The following NR2C2AP variants were observed in gnomAD, a reference collection of about 807,000 sequenced individuals.
The protein encoded by NR2C2AP is nuclear receptor 2C2 associated protein.
In NR2C2AP, 13 loss-of-function variants were observed where a neutral mutation model predicts 19.1. The observed-to-expected ratio is 0.68, with a 90% CI of 0.44 to 1.08. The LOEUF (loss-of-function observed/expected upper bound fraction) is 1.08. NR2C2AP is among the 50% of genes least tolerant of loss of function. NR2C2AP has a pLI of 0.00. For synonymous variants in NR2C2AP, 81 were observed against 64.4 expected (o/e 1.26, Z -1.23); for missense variants, 181 against 172.7 (o/e 1.05, Z -0.27).
Position 19,203,191 on chromosome 19 carries a change from G to A in NR2C2AP, c.-131C>T. On this transcript the variant is annotated 5_prime_UTR_variant, in exon 1 of 5. Coordinates refer to ENST00000331552, the MANE Select transcript of NR2C2AP (RefSeq NM_176880.6). Reference sequence around the variant, plus strand: ...CCTGAACGTCCTCACCTGTAACTTGGGACGAGAACCGCCACTCCCTCGCCC... The same window carrying A: ...CCTGAACGTCCTCACCTGTAACTTGAGACGAGAACCGCCACTCCCTCGCCC... The A allele has an allele frequency of 1.1e-6, 1 of 891,640 alleles. No individual in the cohort carries two copies. The highest frequency in any genetic ancestry group is 1.8e-6 in the Non-Finnish European group (1 of 554,644). The allele number at this position is 891,640 out of a possible 1,614,324, so 55.2% of individuals were successfully genotyped here.
In NR2C2AP at chr19:19,201,610, T is replaced by C; in HGVS notation, c.*315A>G. 6.2e-7 allele frequency: 1 copy of C among 1,613,690 alleles called. No homozygotes were observed. Among genetic ancestry groups the C allele is most frequent in the Non-Finnish European group, 8.5e-7 (1 of 1,180,002 alleles). On this transcript the variant is annotated 3_prime_UTR_variant, in exon 5 of 5. Transcript: ENST00000331552. Reference sequence around the variant, plus strand: ...GCCTGTGCCTCCACCCCACTCCCGATTCAAGCTCACAGCCCACCTTTTCCC... The same window carrying C: ...GCCTGTGCCTCCACCCCACTCCCGACTCAAGCTCACAGCCCACCTTTTCCC...
rs985424456 is a variant in NR2C2AP at position 19,201,903 on chromosome 19, G to C, written c.*22C>G. The C allele has an allele frequency of 1.9e-6, 3 of 1,614,028 alleles. No individual in the cohort carries two copies. The highest frequency in any genetic ancestry group is 8.5e-7 in the Non-Finnish European group (1 of 1,179,956). On this transcript the variant is annotated 3_prime_UTR_variant, in exon 5 of 5. Transcript: ENST00000331552. ...GCTGTGCTTCCCGGAGGGCTTCCTG[G>C]AGGAGACAGCCCCTAGAGGTCTCAC... is the stretch of plus-strand genomic sequence containing the variant.
rs1282477739 is a variant in NR2C2AP at position 19,203,239 on chromosome 19, C to T, written c.-179G>A. On this transcript the variant is annotated 5_prime_UTR_variant, in exon 1 of 5. Transcript: ENST00000331552. ...CCCACCCCAGTCCTAAATGTCGCCT[C>T]GATCAATCCCCTGCCGGAAAATTTG... is the stretch of plus-strand genomic sequence containing the variant. The T allele has an allele frequency of 6.1e-6, 4 of 657,742 alleles. No homozygotes were observed. The highest frequency in any genetic ancestry group is 2.3e-5 in the Admixed American group (1 of 42,636). The allele number at this position is 657,742 out of a possible 1,614,324, so 40.7% of individuals were successfully genotyped here.
intron 4 of NR2C2AP, 136 bp from the exon 5 acceptor site, chr19:19,202,177 C>T: frequency 4.3e-6 from 5 of 1,171,888 alleles, no homozygotes; most frequent in Non-Finnish European, 5.1e-6. Context: ...GCCTCTCACA[C>T]AGAACAGGTG....
chr19:19,201,909 A>G lies in NR2C2AP; in HGVS notation c.*16T>C, dbSNP rs753652611. The G allele has an allele frequency of 3.7e-6, 6 of 1,613,928 alleles. No homozygotes were observed. Among genetic ancestry groups the G allele is most frequent in the Non-Finnish European group, 5.1e-6 (6 of 1,179,978 alleles). ...CTTCCCGGAGGGCTTCCTGGAGGAGACAGCCCCTAGAGGTCTCACACCTTC... is the reference window on the plus strand; with the variant it reads ...CTTCCCGGAGGGCTTCCTGGAGGAGGCAGCCCCTAGAGGTCTCACACCTTC... On this transcript the variant is annotated 3_prime_UTR_variant, in exon 5 of 5. Transcript: ENST00000331552.
intron 2 of NR2C2AP, 51 bp downstream of exon 2, chr19:19,202,740 G>A (rs1242918793): frequency 1.3e-6 from 2 of 1,551,794 alleles, no homozygotes; most frequent in Non-Finnish European, 1.8e-6. Flanking sequence ...CAAGGCATGA[G>A]ATCTGAATCT....
chr19:19,201,763 C>A lies in NR2C2AP; in HGVS notation c.*162G>T. On this transcript the variant is annotated 3_prime_UTR_variant, in exon 5 of 5. Transcript: ENST00000331552. The stretch of plus-strand genomic sequence containing the variant: ...TCAGACACTCAGGGAACAAAATGGT[C>A]AGCCAGAGCTGGGGAAACCCAGAAC... The A allele has an allele frequency of 1.2e-6, 2 of 1,613,550 alleles. No individual in the cohort carries two copies. The highest frequency in any genetic ancestry group is 2.2e-5 in the South Asian group (2 of 91,022).
In NR2C2AP at chr19:19,202,147, G is replaced by A. The variant is rs930089492; in HGVS notation, c.304-106C>T. The A allele has an allele frequency of 9.2e-6, 12 of 1,301,314 alleles. No homozygotes were observed. The Admixed American group carries it at 1.4e-4, about 15-fold the overall frequency. 80.6% of individuals were successfully genotyped at this position (1,301,314 alleles called of 1,614,324 possible). ...ACTCCACCGATGTGGGCAACCTGGG[G>A]AAGCTGCAGGTCCCTCTAAGCCTCT... On this transcript the variant is annotated intron_variant, in intron 4 of 4. Transcript: ENST00000331552.
Position 19,202,487 on chromosome 19 carries a change from C to A in NR2C2AP, c.218G>T (p.Arg73Leu). 2.5e-6 allele frequency: 4 copies of A among 1,613,964 alleles called. No individual in the cohort carries two copies. Among genetic ancestry groups the A allele is most frequent in the Non-Finnish European group, 2.5e-6 (3 of 1,179,904 alleles). The change falls in exon 3 of 5, where the codon CGC (arginine) becomes CTC (leucine). Residue 73 changes from arginine to leucine, a missense_variant. By Grantham distance (102) the Arg-to-Leu change is moderately radical. Transcript: ENST00000331552. Reference protein sequence around the residue: ...QIQFQGGFSSRRGCLEGSQGT... With the variant: ...QIQFQGGFSSLRGCLEGSQGT... ...TCTAGTACCTTCCAGGCAGCCCCGG[C>A]GACTGGAGAAGCCACCCTGAAACTG...
chr19:19,201,922 G>T lies in NR2C2AP; in HGVS notation c.*3C>A. ...TTCCTGGAGGAGACAGCCCCTAGAG[G>T]TCTCACACCTTCTCCCCAAGCACCC... On this transcript the variant is annotated 3_prime_UTR_variant, in exon 5 of 5. Transcript: ENST00000331552. The T allele has an allele frequency of 6.2e-7, 1 of 1,614,156 alleles. No individual in the cohort carries two copies. Among genetic ancestry groups the T allele is most frequent in the Non-Finnish European group, 8.5e-7 (1 of 1,180,036 alleles).
chr19:19,202,302 C>A lies in NR2C2AP; in HGVS notation c.303+29G>T, dbSNP rs766781390. 6.8e-6 allele frequency: 11 copies of A among 1,608,428 alleles called. No homozygotes were observed. The African/African-American group carries it at 1.5e-4, about 21-fold the overall frequency. ...GTCCAAAGCTTCCAGAGGCACAGACCACCCACCCCAGAAGCAGGGGCAGGA... is the reference window on the plus strand; with the variant it reads ...GTCCAAAGCTTCCAGAGGCACAGACAACCCACCCCAGAAGCAGGGGCAGGA... On this transcript the variant is annotated intron_variant, in intron 4 of 4. Transcript: ENST00000331552.
chr19:19,201,735 G>C lies in NR2C2AP; in HGVS notation c.*190C>G. On this transcript the variant is annotated 3_prime_UTR_variant, in exon 5 of 5. Coordinates refer to ENST00000331552, the MANE Select transcript of NR2C2AP (RefSeq NM_176880.6). ...CCCTGAGTGAAGGCCGCCTGCCGGGGACTCAGACACTCAGGGAACAAAATG... is the reference window on the plus strand; with the variant it reads ...CCCTGAGTGAAGGCCGCCTGCCGGGCACTCAGACACTCAGGGAACAAAATG... 1 of 1,613,794 alleles carries C rather than the reference G, an allele frequency of 6.2e-7. No homozygotes were observed.
At chr19:19,202,274 T>C in intron 4 of NR2C2AP, 57 bp downstream of exon 4, 1 of 1,550,528 alleles carries the variant, frequency 6.4e-7, no homozygotes, top group South Asian at 1.1e-5. Context: ...CGGGTTTGGG[T>C]GAGTCCAAAG....
In NR2C2AP at chr19:19,203,325, T is replaced by C; in HGVS notation, c.-265A>G. On this transcript the variant is annotated 5_prime_UTR_variant, in exon 1 of 5. Transcript: ENST00000331552. ...GCCAGGCCTTTCACAGGAAACAGAT[T>C]TCCCGCGGGTTTCGGGGGCGGTGGC... 1.8e-6 allele frequency: 1 copy of C among 556,176 alleles called. No individual in the cohort carries two copies. The highest frequency in any genetic ancestry group is 3.2e-6 in the Non-Finnish European group (1 of 308,950). 34.5% of individuals were successfully genotyped at this position (556,176 alleles called of 1,614,324 possible). A position where few individuals can be genotyped will look rare whatever the true frequency, so the allele number is the denominator to read the frequency against.
intron 4 of NR2C2AP, 109 bp downstream of exon 4, chr19:19,202,222 C>CT (rs1343049435): frequency 8.0e-7 from 1 of 1,243,458 alleles, no homozygotes; most frequent in East Asian, 2.3e-5. Flanking sequence ...AAGTGGAGTC[C>CT]TAGAGGTCAC....
chr19:19,202,341 T>G lies in NR2C2AP; in HGVS notation c.293A>C (p.Asn98Thr). The G allele has an allele frequency of 6.2e-7, 1 of 1,613,960 alleles. No homozygotes were observed. The highest frequency in any genetic ancestry group is 8.5e-7 in the Non-Finnish European group (1 of 1,179,942). The change falls in exon 4 of 5, where the codon AAC (asparagine) becomes ACC (threonine). Residue 98 changes from asparagine to threonine, a missense_variant. Transcript: ENST00000331552. ...GCAGGGGCAGGATATCTGAAGCGAG[T>G]TGTTGTCCTCAGGGTAGAAATCTAC... is the stretch of plus-strand genomic sequence containing the variant. ...KIVDFYPEDNNSLQTFPIPAA... is the reference protein window; with the variant it reads ...KIVDFYPEDNTSLQTFPIPAA...
In NR2C2AP at chr19:19,202,859, T is replaced by TG; in HGVS notation, c.60dup (p.Asn21GlnfsTer15). The TG allele has an allele frequency of 6.2e-7, 1 of 1,613,792 alleles. No individual in the cohort carries two copies. Among genetic ancestry groups the TG allele is most frequent in the Non-Finnish European group, 8.5e-7 (1 of 1,180,016 alleles). On this transcript the variant is annotated frameshift_variant, in exon 2 of 5. Transcript: ENST00000331552. LOFTEE classifies it high-confidence loss of function. ...TGTTTTTTTCCAAACTGCCGAGTGT[T>TG]GCGATTCAGCACTGAACTCACCCTG...
At chr19:19,202,676 G>A (rs2060738412) in intron 2 of NR2C2AP, 101 bp from the exon 3 acceptor site, 3 of 1,403,220 alleles carry the variant, frequency 2.1e-6, no homozygotes, top group Non-Finnish European at 3.0e-6. Context: ...GGGGAAGAAG[G>A]AAATTCGGCA....
chr19:19,202,935 C>T (rs2060741026), intron 1 of NR2C2AP, 54 bp from the exon 2 acceptor site: 2 of 1,607,510 alleles, frequency 1.2e-6, no homozygotes, highest in Non-Finnish European at 1.7e-6. Flanking sequence ...CTCTCAGCTC[C>T]GCGGAGGGCC....
Sources: allele counts gnomAD v4.1 joint callset, GRCh38; gene constraint gnomAD v4.1.1; transcripts MANE v1.5; gene names NCBI Gene and HGNC (gene_info 2026-07-23, HGNC 2026-07-21).